The following FAM171A1 variants were observed in gnomAD, a reference collection of about 807,000 sequenced individuals.
The protein encoded by FAM171A1 is family with sequence similarity 171 member A1, also known as protein FAM171A1.
FAM171A1 carries 23 observed loss-of-function variants against 74.9 expected under a neutral mutation model. The observed-to-expected ratio is 0.31, with a 90% CI of 0.22 to 0.44. The LOEUF is 0.44. Among genes scored for constraint, FAM171A1 ranks in the 20% least tolerant of loss-of-function variants. The probability of loss-of-function intolerance (pLI) is 1.00; values close to 1 mark genes in which losing one functional copy is unlikely to be tolerated. For missense variants in FAM171A1, 1,162 were observed against 1,159.2 expected, an observed-to-expected ratio of 1.00 and a Z score of -0.03; for synonymous variants, 527 against 505.7, an observed-to-expected ratio of 1.04 and a Z score of -0.57.
chr10:15,264,755 C>T (rs948513784), intron 3 of FAM171A1, among the ~76,000 whole-genome samples: 7 of 151,960 alleles, frequency 4.6e-5, no homozygotes, highest in Non-Finnish European at 1.0e-4. Context: ...TGCATTCCAG[C>T]TGGGTGACAG....
rs562940148 is a variant in FAM171A1 at position 15,240,994 on chromosome 10, T to A, written c.754+7645A>T. Among the ~76,000 whole-genome samples, 4 of 152,044 alleles carry A rather than the reference T, an allele frequency of 2.6e-5. No homozygotes were observed. In the East Asian group the frequency reaches 7.7e-4, roughly 29 times the overall value. On this transcript the variant is annotated intron_variant, in intron 5 of 7. Coordinates refer to ENST00000378116, the MANE Select transcript of FAM171A1 (RefSeq NM_001010924.2). The stretch of plus-strand genomic sequence containing the variant: ...AGGAGTTCTAGCTCCGATTGTACCA[T>A]TGCACTGCAGCCTGGGTGACAGAGC...
intron 4 of FAM171A1, among the ~76,000 whole-genome samples, chr10:15,251,579 C>A (rs562282380): frequency 3.8e-4 from 58 of 151,152 alleles, no homozygotes; most frequent in African/African-American, 1.4e-3. Flanking sequence ...ATTTTTTTTT[C>A]TTTGTTTTTG....
intron 3 of FAM171A1, among the ~76,000 whole-genome samples, chr10:15,271,792 T>C (rs1158924110): frequency 6.6e-6 from 1 of 152,166 alleles, no homozygotes. Flanking sequence ...CTAAGCTTCA[T>C]AAGTGAAGGA....
Position 15,294,461 on chromosome 10 carries a change from G to A in FAM171A1, c.98-10356C>T, listed in dbSNP as rs558507087. 1.3e-3 allele frequency among the ~76,000 whole-genome samples: 198 copies of A among 152,238 alleles called. 1 individual carries two copies. Among genetic ancestry groups the A allele is most frequent in the Middle Eastern group, 0.01 (3 of 294 alleles). Reference sequence around the variant, plus strand: ...TTTCACCATCAGGAATTCAGCCATCGCCTCTAGCATATTCTTCAATTTTTA... The same window carrying A: ...TTTCACCATCAGGAATTCAGCCATCACCTCTAGCATATTCTTCAATTTTTA... On this transcript the variant is annotated intron_variant, in intron 1 of 7. Transcript: ENST00000378116.
At chr10:15,345,424 GA>G (rs1295116129) in intron 1 of FAM171A1, among the ~76,000 whole-genome samples, 1 of 152,138 alleles carries the variant, frequency 6.6e-6, no homozygotes. Flanking sequence ...AACGAGAGGG[GA>G]TGACACCCAA....
At chr10:15,280,201 A>G (rs1200966548) in intron 2 of FAM171A1, among the ~76,000 whole-genome samples, 2 of 152,230 alleles carry the variant, frequency 1.3e-5, no homozygotes, top group Admixed American at 1.3e-4. Flanking sequence ...GCGGCCGACC[A>G]TGAGATATGG....
intron 4 of FAM171A1, among the ~76,000 whole-genome samples, chr10:15,253,000 CTTTGTTTT>C (rs1308918905): frequency 6.6e-6 from 1 of 151,994 alleles, no homozygotes; most frequent in Non-Finnish European, 1.5e-5. Flanking sequence ...TATTTTAAAA[CTTTGTTTT>C]TTTGTTTTTT....
intron 2 of FAM171A1, 33 bp downstream of exon 2, chr10:15,283,845 C>T (rs376216231): frequency 6.4e-5 from 103 of 1,606,778 alleles, no homozygotes; most frequent in Non-Finnish European, 8.5e-5. Context: ...AGCCAATGCC[C>T]TCTGTGTTAA....
intron 6 of FAM171A1, among the ~76,000 whole-genome samples, chr10:15,216,487 G>C (rs919064146): frequency 2.6e-5 from 4 of 151,876 alleles, no homozygotes; most frequent in Non-Finnish European, 5.9e-5. Flanking sequence ...CTGGAGCGCA[G>C]TGATACAATC....
chr10:15,275,807 G>T, intron 3 of FAM171A1, 48 bp downstream of exon 3: 2 of 1,222,944 alleles, frequency 1.6e-6, no homozygotes, highest in African/African-American at 1.5e-5. Context: ...ATACAATAAT[G>T]TATCCATCAA....
intron 3 of FAM171A1, among the ~76,000 whole-genome samples, chr10:15,262,653 T>C (rs1217298635): frequency 6.6e-6 from 1 of 152,026 alleles, no homozygotes; most frequent in Non-Finnish European, 1.5e-5. Flanking sequence ...ATCTCCAAGG[T>C]TCGGGAGAAG....
At chr10:15,303,322 T>C (rs917999124) in intron 1 of FAM171A1, among the ~76,000 whole-genome samples, 2 of 152,230 alleles carry the variant, frequency 1.3e-5, no homozygotes, top group Non-Finnish European at 2.9e-5. Context: ...GATTGAAATT[T>C]CCTGCTTCAT....
At chr10:15,302,206 G>A (rs1456331137) in intron 1 of FAM171A1, among the ~76,000 whole-genome samples, 2 of 152,138 alleles carry the variant, frequency 1.3e-5, no homozygotes, top group African/African-American at 4.8e-5. Flanking sequence ...GCTCATGCCT[G>A]TAATCCCTGC....
intron 5 of FAM171A1, among the ~76,000 whole-genome samples, chr10:15,243,992 T>C (rs1220518800): frequency 3.3e-5 from 5 of 152,132 alleles, no homozygotes; most frequent in South Asian, 2.1e-4. Context: ...CCTCGTGATC[T>C]GCCCACCTTG....
At chr10:15,262,317 G>A (rs1225276239) in intron 3 of FAM171A1, among the ~76,000 whole-genome samples, 2 of 152,184 alleles carry the variant, frequency 1.3e-5, no homozygotes, top group African/African-American at 4.8e-5. Flanking sequence ...AAATGATAAA[G>A]TTCCAAATAA....
intron 5 of FAM171A1, among the ~76,000 whole-genome samples, chr10:15,246,216 G>T (rs1834433311): frequency 6.6e-6 from 1 of 152,146 alleles, no homozygotes; most frequent in African/African-American, 2.4e-5. Context: ...GCTTACTGCA[G>T]GATATGTGAA....
At chr10:15,273,109 T>A (rs1313298732) in intron 3 of FAM171A1, among the ~76,000 whole-genome samples, 1 of 152,026 alleles carries the variant, frequency 6.6e-6, no homozygotes, top group Non-Finnish European at 1.5e-5. Context: ...AGGAGCTGGT[T>A]TTTTGAAAAG....
At chr10:15,371,924 G>A (rs1375230174), upstream of FAM171A1, among the ~76,000 whole-genome samples, 1 of 152,196 alleles carries the variant, frequency 6.6e-6, no homozygotes, top group African/African-American at 2.4e-5. Flanking sequence ...GTTCAACTCT[G>A]AATACAGCAG....
intron 5 of FAM171A1, among the ~76,000 whole-genome samples, chr10:15,226,755 A>G (rs1403151399): frequency 4.6e-5 from 7 of 152,192 alleles, no homozygotes; most frequent in African/African-American, 1.4e-4. Context: ...GGTGGGGATT[A>G]TAAGTTGTTT....
Sources: allele counts gnomAD v4.1 joint callset (sites outside exome capture counted in the v4.1 genomes callset), GRCh38; gene constraint gnomAD v4.1.1; transcripts MANE v1.5; gene names NCBI Gene and HGNC (gene_info 2026-07-23, HGNC 2026-07-21).